HPSE2: variants seen among roughly 807,000 people sequenced by gnomAD.
HPSE2 encodes the protein inactive heparanase-2.
Under a neutral mutation model 60.5 loss-of-function variants are expected in HPSE2, and 38 were observed. The observed-to-expected ratio is 0.63, with a 90% CI of 0.48 to 0.82. HPSE2 has a LOEUF of 0.82. HPSE2 is among the 40% of genes least tolerant of loss of function. The pLI, the probability that HPSE2 is intolerant of heterozygous loss-of-function variation, is 0.00. For missense variants in HPSE2, 713 were observed against 740.4 expected, an observed-to-expected ratio of 0.96 and a Z score of 0.43; for synonymous variants, 295 against 293.2, an observed-to-expected ratio of 1.01 and a Z score of -0.06.
At chr10:99,192,674 C>T (rs1201929043) in intron 2 of HPSE2, among the ~76,000 whole-genome samples, 3 of 152,068 alleles carry the variant, frequency 2.0e-5, no homozygotes, top group East Asian at 1.9e-4. Flanking sequence ...TGGGCTCAAG[C>T]GATCCTCAGC....
the HPSE2 span, among the ~76,000 whole-genome samples, chr10:99,271,459 A>C: frequency 0.49 from 75,079 of 152,076 alleles, 21,719 homozygotes; most frequent in Non-Finnish European, 0.64. Context: ...GACCTCTACA[A>C]GGAAAACTAC....
chr10:98,913,292 C>G (rs964690912), intron 3 of HPSE2, among the ~76,000 whole-genome samples: 1 of 152,126 alleles, frequency 6.6e-6, no homozygotes, highest in Non-Finnish European at 1.5e-5. Context: ...GTCCCGCAAC[C>G]AAACTGGAGA....
At chr10:99,238,389 G>T (rs1025778584), upstream of HPSE2, among the ~76,000 whole-genome samples, 8 of 152,114 alleles carry the variant, frequency 5.3e-5, no homozygotes, top group Admixed American at 3.3e-4. Context: ...ACTCTATAAT[G>T]GTTTATTGGC....
chr10:98,561,153 GT>G (rs752774680), intron 9 of HPSE2, among the ~76,000 whole-genome samples: 8 of 113,194 alleles, frequency 7.1e-5, no homozygotes, highest in African/African-American at 1.5e-4. Context: ...AGTGATACTG[GT>G]TTTTTTTTTT....
chr10:99,001,810 A>G (rs965767863), intron 3 of HPSE2, among the ~76,000 whole-genome samples: 3 of 152,114 alleles, frequency 2.0e-5, no homozygotes, highest in African/African-American at 7.2e-5. Context: ...AGAAATTATA[A>G]TCCATCAAGC....
chr10:99,197,665 T>C lies in HPSE2; in HGVS notation c.448+34683A>G, dbSNP rs145270818. ...TAAATGTAATATAGAAATACTAATA[T>C]AAAACATGAGTCTGATGAAGATAAA... is the stretch of plus-strand genomic sequence containing the variant. On this transcript the variant is annotated intron_variant, in intron 2 of 11. Transcript: ENST00000370552. Among the ~76,000 whole-genome samples the C allele has an allele frequency of 5.2e-3, 789 of 152,282 alleles. 8 individuals carry two copies. Among genetic ancestry groups the C allele is most frequent in the African/African-American group, 0.018 (753 of 41,550 alleles).
At chr10:99,080,432 C>G (rs1050547637) in intron 3 of HPSE2, among the ~76,000 whole-genome samples, 1 of 152,074 alleles carries the variant, frequency 6.6e-6, no homozygotes, top group East Asian at 1.9e-4. Flanking sequence ...CTTCTTAAAG[C>G]CATAGGTCTT....
At chr10:98,792,594 T>TACATTTAAA (rs1453694509) in intron 3 of HPSE2, among the ~76,000 whole-genome samples, 1 of 149,848 alleles carries the variant, frequency 6.7e-6, no homozygotes, top group Non-Finnish European at 1.5e-5. Context: ...GGCATTTTTG[T>TACATTTAAA]ACATTTAAAA....
chr10:98,867,099 A>G (rs181270905), intron 3 of HPSE2, among the ~76,000 whole-genome samples: 1 of 152,288 alleles, frequency 6.6e-6, no homozygotes, highest in Non-Finnish European at 1.5e-5. Flanking sequence ...ATAGGTCATG[A>G]CACACAGACG....
chr10:98,781,306 T>TTTTTTTTAA (rs66481971), intron 3 of HPSE2, among the ~76,000 whole-genome samples: 3 of 120,104 alleles, frequency 2.5e-5, no homozygotes, highest in Non-Finnish European at 5.1e-5. Flanking sequence ...TTTTTTTTTT[T>TTTTTTTTAA]ATTTTTAAAT....
chr10:98,469,801 A>C (rs1940701187), intron 11 of HPSE2, among the ~76,000 whole-genome samples: 2 of 152,216 alleles, frequency 1.3e-5, no homozygotes, highest in African/African-American at 4.8e-5. Context: ...TGTTGCTGGA[A>C]GTTGCCTTTC....
intron 3 of HPSE2, among the ~76,000 whole-genome samples, chr10:98,845,289 AG>A (rs1479160904): frequency 6.6e-6 from 1 of 152,248 alleles, no homozygotes; most frequent in East Asian, 1.9e-4. Context: ...GTAGTGCTGG[AG>A]GATAGGTGAG....
chr10:99,119,035 GAAAGA>G (rs1052292117), intron 3 of HPSE2, among the ~76,000 whole-genome samples: 20 of 125,728 alleles, frequency 1.6e-4, no homozygotes, highest in Middle Eastern at 5.2e-3. Context: ...GGAAAAGAAA[GAAAGA>G]AAAGAAAAGA....
intron 7 of HPSE2, among the ~76,000 whole-genome samples, chr10:98,639,578 A>G (rs1429142548): frequency 6.6e-6 from 1 of 152,152 alleles, no homozygotes; most frequent in East Asian, 1.9e-4. Context: ...GTTTTTAAAG[A>G]TCTGAATACC....
intron 9 of HPSE2, among the ~76,000 whole-genome samples, chr10:98,596,470 T>TC (rs1282030608): frequency 1.9e-5 from 1 of 51,440 alleles, no homozygotes; most frequent in Non-Finnish European, 8.1e-5. Context: ...CTAATTAGCA[T>TC]CCTTTTTTTT....
chr10:98,773,985 A>T lies in HPSE2; in HGVS notation c.611-29929T>A, dbSNP rs147196623. ...GTGGGAGGATCACTTGAGCCCAAGG[A>T]GGTCAAGGGTGCAGGGTGCAGTGAG... is the stretch of plus-strand genomic sequence containing the variant. On this transcript the variant is annotated intron_variant, in intron 3 of 11. Transcript: ENST00000370552. 1.6e-4 allele frequency among the ~76,000 whole-genome samples: 24 copies of T among 152,202 alleles called. No individual in the cohort carries two copies. The East Asian group carries it at 4.6e-3, about 29-fold the overall frequency.
chr10:99,025,585 C>G (rs1185960636), intron 3 of HPSE2, among the ~76,000 whole-genome samples: 1 of 152,066 alleles, frequency 6.6e-6, no homozygotes, highest in Non-Finnish European at 1.5e-5. Context: ...CAATCCCTAG[C>G]AAACTAACAC....
chr10:98,960,740 A>C (rs866289871), intron 3 of HPSE2, among the ~76,000 whole-genome samples: 44 of 95,920 alleles, frequency 4.6e-4, no homozygotes, highest in Non-Finnish European at 6.8e-4. Context: ...TTTTTATTTT[A>C]TTTTTTTTTT....
intron 6 of HPSE2, among the ~76,000 whole-genome samples, chr10:98,646,394 T>C (rs1015039990): frequency 7.2e-5 from 11 of 151,940 alleles, no homozygotes; most frequent in Admixed American, 6.6e-4. Flanking sequence ...AGGTATATCA[T>C]GGTCATCCTC....
Sources: gnomAD v4.1 joint callset for allele counts (sites outside exome capture counted in the v4.1 genomes callset) on GRCh38, gnomAD v4.1.1 for gene constraint, MANE v1.5 for transcripts, NCBI Gene and HGNC (gene_info 2026-07-23, HGNC 2026-07-21) for gene names.